PCDHGA7: variants seen among roughly 807,000 people sequenced by gnomAD.
PCDHGA7 encodes the protein protocadherin gamma subfamily A, 7.
In PCDHGA7, 44 loss-of-function variants were observed where a neutral mutation model predicts 58.3. The observed-to-expected ratio is 0.75, with a 90% CI of 0.59 to 0.97. PCDHGA7 has a LOEUF of 0.97. Among genes scored for constraint, PCDHGA7 ranks in the 50% least tolerant of loss-of-function variants. PCDHGA7 has a pLI of 0.00. For missense variants in PCDHGA7, 1,266 were observed against 1,188.7 expected, an observed-to-expected ratio of 1.06 and a Z score of -0.96; for synonymous variants, 516 against 504.2, an observed-to-expected ratio of 1.02 and a Z score of -0.31.
intron 1 of PCDHGA7, among the ~76,000 whole-genome samples, chr5:141,449,606 A>AG (rs1263111904): frequency 2.0e-5 from 3 of 150,702 alleles, no homozygotes; most frequent in Non-Finnish European, 3.0e-5. Flanking sequence ...AAAAAAAAAA[A>AG]AGTAAAAAAG....
chr5:141,395,038 G>A lies in PCDHGA7; in HGVS notation c.2424+9715G>A, dbSNP rs762482437. On this transcript the variant is annotated intron_variant, in intron 1 of 3. Transcript: ENST00000518325. Reference sequence around the variant, plus strand: ...GGCGTGCCTGCCTCACATTTTGTGGGTGTTGAGGAGGTACAGGCTTTCCTG... The same window carrying A: ...GGCGTGCCTGCCTCACATTTTGTGGATGTTGAGGAGGTACAGGCTTTCCTG... 5.3e-5 allele frequency: 85 copies of A among 1,614,150 alleles called. 1 individual carries two copies. Among genetic ancestry groups the A allele is most frequent in the Non-Finnish European group, 7.1e-5 (84 of 1,180,034 alleles).
In PCDHGA7 at chr5:141,391,891, A is replaced by C. The variant is rs140956361; in HGVS notation, c.2424+6568A>C. 7.1e-4 allele frequency: 108 copies of C among 152,338 alleles called. No individual in the cohort carries two copies. In the East Asian group the frequency reaches 0.015, roughly 21 times the overall value. 9.4% of individuals were successfully genotyped at this position (152,338 alleles called of 1,614,324 possible). On this transcript the variant is annotated intron_variant, in intron 1 of 3. Coordinates refer to ENST00000518325, the MANE Select transcript of PCDHGA7 (RefSeq NM_018920.4). ...TCATCTCTTTGGTGAAAGGGATGGG[A>C]TGGAGCTTTGCTTTTTATCATATAT... is the stretch of plus-strand genomic sequence containing the variant.
chr5:141,427,936 G>A, intron 1 of PCDHGA7: 1 of 1,584,966 alleles, frequency 6.3e-7, no homozygotes, highest in Admixed American at 1.7e-5. Context: ...ATGTTGGTGG[G>A]CGACCTCAAT....
intron 1 of PCDHGA7, chr5:141,430,848 A>G (rs780445178): frequency 1.3e-6 from 2 of 1,581,028 alleles, no homozygotes; most frequent in Admixed American, 1.8e-5. Flanking sequence ...GGATGCACCC[A>G]GATACGCTAT....
intron 1 of PCDHGA7, chr5:141,400,182 G>C (rs754765633): frequency 3.7e-6 from 6 of 1,614,072 alleles, no homozygotes; most frequent in Non-Finnish European, 5.1e-6. Flanking sequence ...CTGAGCTGCA[G>C]TTTTACCTAG....
chr5:141,430,952 C>G, intron 1 of PCDHGA7: 2 of 1,610,382 alleles, frequency 1.2e-6, no homozygotes, highest in African/African-American at 2.7e-5. Flanking sequence ...GCGCGGAGTC[C>G]GCATCATCCC....
intron 1 of PCDHGA7, chr5:141,387,709 A>C (rs1404514491): frequency 3.7e-5 from 37 of 1,008,514 alleles, no homozygotes; most frequent in Admixed American, 1.5e-4. Flanking sequence ...GGGCAGCCCC[A>C]GCTCAGACTC....
At chr5:141,389,733 C>A in intron 1 of PCDHGA7, 1 of 1,612,786 alleles carries the variant, frequency 6.2e-7, no homozygotes, top group Non-Finnish European at 8.5e-7. Flanking sequence ...GCTCTTCAGC[C>A]TGGGGCTGCG....
At chr5:141,414,639 T>A in intron 1 of PCDHGA7, 1 of 1,613,966 alleles carries the variant, frequency 6.2e-7, no homozygotes, top group South Asian at 1.1e-5. Context: ...GCAAAGAGAA[T>A]GCCCAGATTA....
At position 141,432,908 on chromosome 5, in the gene PCDHGA7, C is replaced by A. The variant is rs757934634; in HGVS notation, c.2424+47585C>A. On this transcript the variant is annotated intron_variant, in intron 1 of 3. Coordinates refer to ENST00000518325, the MANE Select transcript of PCDHGA7 (RefSeq NM_018920.4). This position sits in a 1 kb window ranked among gnomAD's most constrained non-coding sequence, Gnocchi z 6.0. ...CATCTTGCTGCTGGCGCTCAGGCTGCGGCGCTGGCACAAGTCACGCCTGCT... is the reference window on the plus strand; with the variant it reads ...CATCTTGCTGCTGGCGCTCAGGCTGAGGCGCTGGCACAAGTCACGCCTGCT... The A allele has an allele frequency of 1.6e-5, 26 of 1,614,168 alleles. No individual in the cohort carries two copies. Among genetic ancestry groups the A allele is most frequent in the Middle Eastern group, 1.7e-4 (1 of 6,060 alleles).
At position 141,383,874 on chromosome 5, in the gene PCDHGA7, T is replaced by C; in HGVS notation, c.975T>C (p.Pro325=). The C allele has an allele frequency of 1.2e-6, 2 of 1,614,012 alleles. No individual in the cohort carries two copies. Among genetic ancestry groups the C allele is most frequent in the Non-Finnish European group, 1.7e-6 (2 of 1,179,896 alleles). Residue 325 remains proline, a synonymous_variant, in exon 1 of 4, where the codon CCT becomes CCC. Coordinates refer to ENST00000518325, the MANE Select transcript of PCDHGA7 (RefSeq NM_018920.4). ...TGGAGGTTCAGGCTCAAGATGGTCC[T>C]GGTAGTCTGACAAAGGCAAAAGTAC... ...YEMEVQAQDG[P]GSLTKAKVLI...
At chr5:141,481,811 G>A (rs1050821120) in intron 1 of PCDHGA7, among the ~76,000 whole-genome samples, 1 of 151,892 alleles carries the variant, frequency 6.6e-6, no homozygotes. Context: ...AATTCACCAG[G>A]CGTGGTGGCT....
At chr5:141,389,438 C>G in intron 1 of PCDHGA7, 1 of 1,610,592 alleles carries the variant, frequency 6.2e-7, no homozygotes, top group East Asian at 2.2e-5. Context: ...AGCGCGCCTT[C>G]GACCACGAGC....
rs756116390 is a variant in PCDHGA7, at chr5:141,385,238, T to C, written c.2339T>C (p.Ile780Thr). The C allele has an allele frequency of 6.2e-7, 1 of 1,614,074 alleles. No individual in the cohort carries two copies. Among genetic ancestry groups the C allele is most frequent in the Non-Finnish European group, 8.5e-7 (1 of 1,179,892 alleles). The change falls in exon 1 of 4, where the codon ATC becomes ACC. Residue 780 changes from isoleucine (I) to threonine (T), a missense_variant. Coordinates refer to ENST00000518325, the MANE Select transcript of PCDHGA7 (RefSeq NM_018920.4). ...FPQPNYVDMLISQESCEKNDS... is the reference protein window; with the variant it reads ...FPQPNYVDMLTSQESCEKNDS... Reference sequence around the variant, plus strand: ...CAGCCCAACTATGTAGACATGCTCATCAGCCAGGAGAGCTGTGAGAAAAAT... The same window carrying C: ...CAGCCCAACTATGTAGACATGCTCACCAGCCAGGAGAGCTGTGAGAAAAAT...
At chr5:141,404,762 C>T (rs1466259455) in intron 1 of PCDHGA7, 1 of 1,613,828 alleles carries the variant, frequency 6.2e-7, no homozygotes, top group East Asian at 2.2e-5. Flanking sequence ...GAATGCTTGG[C>T]TCTCCTACCG....
intron 2 of PCDHGA7, among the ~76,000 whole-genome samples, chr5:141,504,651 G>A (rs905210723): frequency 8.4e-6 from 1 of 119,750 alleles, no homozygotes; most frequent in Non-Finnish European, 1.6e-5. Flanking sequence ...ATGATAGAGT[G>A]TTTGAGGGCG....
At chr5:141,413,724 C>T (rs751084568) in intron 1 of PCDHGA7, 2 of 1,613,426 alleles carry the variant, frequency 1.2e-6, no homozygotes, top group East Asian at 2.2e-5. Context: ...AGCACTTCTC[C>T]CTAAGAGTTC....
intron 1 of PCDHGA7, chr5:141,420,292 T>C (rs761934978): frequency 2.7e-6 from 4 of 1,485,132 alleles, no homozygotes; most frequent in Middle Eastern, 1.8e-4. Context: ...TTTAAAAATG[T>C]ATTTAATCCT....
At chr5:141,385,499 A>G in intron 1 of PCDHGA7, 176 bp downstream of exon 1, 1 of 1,381,812 alleles carries the variant, frequency 7.2e-7, no homozygotes, top group Non-Finnish European at 9.4e-7. Context: ...AGGATATAGT[A>G]TTTCTTTAGT....
Sources: allele counts gnomAD v4.1 joint callset (sites outside exome capture counted in the v4.1 genomes callset), GRCh38; gene constraint gnomAD v4.1.1; non-coding constraint Gnocchi (gnomAD v3.1); transcripts MANE v1.5; gene names NCBI Gene and HGNC (gene_info 2026-07-23, HGNC 2026-07-21).